The following DCPS variants were observed in gnomAD, a reference collection of about 807,000 sequenced individuals.
The protein encoded by DCPS is m7GpppX diphosphatase.
DCPS carries 27 observed loss-of-function variants against 34.7 expected under a neutral mutation model. That is an observed-to-expected ratio of 0.78 (90% CI 0.57 to 1.07). The LOEUF (loss-of-function observed/expected upper bound fraction) is 1.07, where lower values mean the gene tolerates loss of function less well. Ranked by LOEUF, DCPS falls within the 50% of genes least tolerant of loss-of-function variation. The probability of loss-of-function intolerance (pLI) is 0.00; values close to 1 mark genes in which losing one functional copy is unlikely to be tolerated. For synonymous variants in DCPS, 185 were observed against 185.7 expected (o/e 1.00, Z 0.03); for missense variants, 464 against 436.9 (o/e 1.06, Z -0.55).
At chr11:126,318,683 T>C (rs1951681285) in intron 2 of DCPS, among the ~76,000 whole-genome samples, 1 of 152,216 alleles carries the variant, frequency 6.6e-6, no homozygotes, top group Admixed American at 6.5e-5. Flanking sequence ...TTCTTCTCAG[T>C]GCTCCTGGGC....
chr11:126,326,218 G>T (rs984015718), intron 2 of DCPS, among the ~76,000 whole-genome samples: 2 of 152,226 alleles, frequency 1.3e-5, no homozygotes, highest in African/African-American at 2.4e-5. Flanking sequence ...CTGGGCAGGG[G>T]TGTTGCCAGG....
chr11:126,327,382 C>T lies in DCPS; in HGVS notation c.377-4023C>T, dbSNP rs887209276. Among the ~76,000 whole-genome samples the T allele has an allele frequency of 3.3e-5, 5 of 152,322 alleles. No homozygotes were observed. Among genetic ancestry groups the T allele is most frequent in the Middle Eastern group, 3.4e-3 (1 of 294 alleles). On this transcript the variant is annotated intron_variant, in intron 2 of 5. Coordinates refer to ENST00000263579, the MANE Select transcript of DCPS (RefSeq NM_014026.6). The surrounding 1 kb of genome is among the most constrained non-coding windows in gnomAD (Gnocchi z 4.1). ...ATGATCAGGAGGCACATGATGTCGG[C>T]GTGCCCAGCAGGGGTGACGGTGACG... is the stretch of plus-strand genomic sequence containing the variant.
rs240548 is a variant in DCPS, at chr11:126,335,072, C to T, written c.523-3214C>T. On this transcript the variant is annotated intron_variant, in intron 3 of 5. Coordinates refer to ENST00000263579, the MANE Select transcript of DCPS (RefSeq NM_014026.6). This position sits in a 1 kb window ranked among gnomAD's most constrained non-coding sequence, Gnocchi z 4.8. ...ATGATGCCAGGATGGCAGCCACCAT[C>T]CCCTACTCTAGGTAACTGTTCAGAG... 0.25 allele frequency among the ~76,000 whole-genome samples: 38,339 copies of T among 152,170 alleles called. 4,832 individuals are homozygous for T. Among genetic ancestry groups the T allele is most frequent in the Admixed American group, 0.27 (4,064 of 15,284 alleles).
rs769242010 is a variant in DCPS, at chr11:126,337,939, G to C, written c.523-347G>C. ...CCCCTGAGTCCTGTGAGCGGTGGAG[G>C]GGGTCACTGCTATAGAGGGCAGACA... On this transcript the variant is annotated intron_variant, in intron 3 of 5. Transcript: ENST00000263579. This position sits in a 1 kb window ranked among gnomAD's most constrained non-coding sequence, Gnocchi z 5.3. The C allele has an allele frequency of 4.0e-6, 1 of 247,358 alleles. No individual in the cohort carries two copies. Among genetic ancestry groups the C allele is most frequent in the African/African-American group, 2.2e-5 (1 of 45,334 alleles). 15.3% of individuals were successfully genotyped at this position (247,358 alleles called of 1,614,324 possible).
intron 2 of DCPS, among the ~76,000 whole-genome samples, chr11:126,318,854 T>C (rs1029851346): frequency 8.5e-5 from 13 of 152,138 alleles, no homozygotes; most frequent in Admixed American, 7.2e-4. Flanking sequence ...GAGCAGACTG[T>C]CTGTGGTTTG....
In DCPS at chr11:126,349,079, C is replaced by T. The variant is rs1415758633; in HGVS notation, c.*3466C>T. Among the ~76,000 whole-genome samples, 1 of 152,138 alleles carries T rather than the reference C, an allele frequency of 6.6e-6. No homozygotes were observed. The highest frequency in any genetic ancestry group is 2.1e-4 in the South Asian group (1 of 4,830). On this transcript the variant is annotated 3_prime_UTR_variant, in exon 6 of 6. Transcript: ENST00000263579. The surrounding 1 kb of genome is among the most constrained non-coding windows in gnomAD (Gnocchi z 5.4). The stretch of plus-strand genomic sequence containing the variant: ...TCTGAATGAGGCCTCCTGGATCTCA[C>T]GCAGGGGATGGAGAGTAAGGACCAG...
rs544295379 is a variant in DCPS at position 126,347,784 on chromosome 11, G to T, written c.*2171G>T. On this transcript the variant is annotated 3_prime_UTR_variant, in exon 6 of 6. Transcript: ENST00000263579. The surrounding 1 kb of genome is among the most constrained non-coding windows in gnomAD (Gnocchi z 4.2). ...TCCAGCTTGCAGGAATGCTCCCTGC[G>T]TCTCAGTTGTGCCCATTCCAGGTCC... 6.6e-6 allele frequency among the ~76,000 whole-genome samples: 1 copy of T among 152,194 alleles called. No homozygotes were observed. Among genetic ancestry groups the T allele is most frequent in the Non-Finnish European group, 1.5e-5 (1 of 68,026 alleles).
In DCPS at chr11:126,306,833, G is replaced by T. The variant is rs558402847; in HGVS notation, c.376+89G>T. The T allele has an allele frequency of 8.4e-6, 12 of 1,422,400 alleles. No homozygotes were observed. In the South Asian group the frequency reaches 1.1e-4, roughly 13 times the overall value. 88.1% of individuals were successfully genotyped at this position (1,422,400 alleles called of 1,614,324 possible). ...TATGGTGACCAGACTCTCTATACCCGATTTGCATATTCTAGTACAATAGGG... is the reference window on the plus strand; with the variant it reads ...TATGGTGACCAGACTCTCTATACCCTATTTGCATATTCTAGTACAATAGGG... On this transcript the variant is annotated intron_variant, in intron 2 of 5. Coordinates refer to ENST00000263579, the MANE Select transcript of DCPS (RefSeq NM_014026.6).
chr11:126,337,431 C>T lies in DCPS; in HGVS notation c.523-855C>T, dbSNP rs1477092396. On this transcript the variant is annotated intron_variant, in intron 3 of 5. Transcript: ENST00000263579. The surrounding 1 kb of genome is among the most constrained non-coding windows in gnomAD (Gnocchi z 5.3). ...CTGTGAGCTCAGGGGCCTTCTCAGC[C>T]CAACCTCCTGCAGCCTCCTAACCTC... 2.0e-5 allele frequency: 3 copies of T among 152,364 alleles called. No homozygotes were observed. Among genetic ancestry groups the T allele is most frequent in the African/African-American group, 7.2e-5 (3 of 41,440 alleles). The allele number at this position is 152,364 out of a possible 1,614,324, so 9.4% of individuals were successfully genotyped here. A position where few individuals can be genotyped will look rare whatever the true frequency, so the allele number is the denominator to read the frequency against.
rs1008367682 is a variant in DCPS, at chr11:126,306,603, G to A, written c.235G>A (p.Asp79Asn). The A allele has an allele frequency of 1.2e-6, 2 of 1,612,484 alleles. No homozygotes were observed. Among genetic ancestry groups the A allele is most frequent in the Non-Finnish European group, 1.7e-6 (2 of 1,178,970 alleles). Residue 79 changes from aspartate (D) to asparagine (N), a missense_variant, in exon 2 of 6, where the codon GAT becomes AAT. Physicochemically the swap from Asp to Asn is conservative, Grantham distance 23 (BLOSUM62 1). Coordinates refer to ENST00000263579, the MANE Select transcript of DCPS (RefSeq NM_014026.6). Reference sequence around the variant, plus strand: ...GGCCTCTGGGGATGGGGATGGAGAGGATGCCGTTGTGATCCTGGAGAAGAC... The same window carrying A: ...GGCCTCTGGGGATGGGGATGGAGAGAATGCCGTTGTGATCCTGGAGAAGAC... ...NEASGDGDGE[D>N]AVVILEKTPF... is the part of the protein sequence containing the mutation.
intron 2 of DCPS, among the ~76,000 whole-genome samples, chr11:126,321,776 G>C (rs887004469): frequency 2.6e-5 from 4 of 152,152 alleles, no homozygotes; most frequent in Non-Finnish European, 5.9e-5. Flanking sequence ...GAGAAATTAT[G>C]CTGCTATATT....
In DCPS at chr11:126,345,211, A is replaced by G; in HGVS notation, c.748-136A>G. On this transcript the variant is annotated intron_variant, in intron 5 of 5. Transcript: ENST00000263579. This position sits in a 1 kb window ranked among gnomAD's most constrained non-coding sequence, Gnocchi z 7.4. ...GGAAGCTGAAGCAGACAGCAGGTAG[A>G]GAGCTGTTTGGAGGGTTTTTGTGAG... 1 of 1,184,136 alleles carries G rather than the reference A, an allele frequency of 8.4e-7. No individual in the cohort carries two copies. 73.4% of individuals were successfully genotyped at this position (1,184,136 alleles called of 1,614,324 possible).
rs76269182 is a variant in DCPS at position 126,348,525 on chromosome 11, C to T, written c.*2912C>T. On this transcript the variant is annotated 3_prime_UTR_variant, in exon 6 of 6. Transcript: ENST00000263579. The surrounding 1 kb of genome is among the most constrained non-coding windows in gnomAD (Gnocchi z 5.3). ...TGCAGCTCCCTCCCTCAATCCAACC[C>T]TCTTTGGGCTTATCACCCTCAAGGT... Among the ~76,000 whole-genome samples the T allele has an allele frequency of 1.3e-5, 2 of 152,260 alleles. No homozygotes were observed. The highest frequency in any genetic ancestry group is 6.5e-5 in the Admixed American group (1 of 15,288).
At position 126,325,300 on chromosome 11, in the gene DCPS, A is replaced by G. The variant is rs1445740966; in HGVS notation, c.377-6105A>G. ...AACTATGGCAGTGAACAGCATTTAC[A>G]TCATCATCATAGCATCAGTGTTGAA... On this transcript the variant is annotated intron_variant, in intron 2 of 5. Transcript: ENST00000263579. This position sits in a 1 kb window ranked among gnomAD's most constrained non-coding sequence, Gnocchi z 4.3. 1.3e-5 allele frequency among the ~76,000 whole-genome samples: 2 copies of G among 152,240 alleles called. No homozygotes were observed. The highest frequency in any genetic ancestry group is 1.5e-5 in the Non-Finnish European group (1 of 68,044).
rs1428710390 is a variant in DCPS at position 126,338,237 on chromosome 11, A to G, written c.523-49A>G. On this transcript the variant is annotated intron_variant, in intron 3 of 5. Coordinates refer to ENST00000263579, the MANE Select transcript of DCPS (RefSeq NM_014026.6). The surrounding 1 kb of genome is among the most constrained non-coding windows in gnomAD (Gnocchi z 5.4). ...CTGAGCTCAGTTTGGGGTATCTCTCAAGGGGTGATGAGTGGATTTGTGAAC... is the reference window on the plus strand; with the variant it reads ...CTGAGCTCAGTTTGGGGTATCTCTCGAGGGGTGATGAGTGGATTTGTGAAC... 1 of 1,578,514 alleles carries G rather than the reference A, an allele frequency of 6.3e-7. No homozygotes were observed. Among genetic ancestry groups the G allele is most frequent in the Admixed American group, 1.7e-5 (1 of 59,690 alleles).
rs574919009 is a variant in DCPS at position 126,329,757 on chromosome 11, G to A, written c.377-1648G>A. ...CCCTCTTCACTGACGTATGAAAGCG[G>A]GGTTAAAACCACCTATGACCTCAGA... On this transcript the variant is annotated intron_variant, in intron 2 of 5. Transcript: ENST00000263579. This position sits in a 1 kb window ranked among gnomAD's most constrained non-coding sequence, Gnocchi z 5.0. Among the ~76,000 whole-genome samples the A allele has an allele frequency of 6.6e-6, 1 of 152,310 alleles. No individual in the cohort carries two copies. Among genetic ancestry groups the A allele is most frequent in the Admixed American group, 6.5e-5 (1 of 15,300 alleles).
rs149591666 is a variant in DCPS at position 126,327,649 on chromosome 11, G to GTT, written c.377-3751_377-3750dup. The stretch of plus-strand genomic sequence containing the variant: ...ATTGAGGTAAACACCAGCGTTCATT[G>GTT]TTTTTTGGCTGCCATCGTAAACCTT... On this transcript the variant is annotated intron_variant, in intron 2 of 5. Transcript: ENST00000263579. This position sits in a 1 kb window ranked among gnomAD's most constrained non-coding sequence, Gnocchi z 4.1. Among the ~76,000 whole-genome samples, 2 of 152,144 alleles carry GTT rather than the reference G, an allele frequency of 1.3e-5. No homozygotes were observed. Among genetic ancestry groups the GTT allele is most frequent in the African/African-American group, 4.8e-5 (2 of 41,494 alleles).
At chr11:126,308,319 G>C (rs1433677216) in intron 2 of DCPS, among the ~76,000 whole-genome samples, 1 of 152,126 alleles carries the variant, frequency 6.6e-6, no homozygotes, top group South Asian at 2.1e-4. Context: ...CTTCTTGTTT[G>C]CCCTCCAGCA....
chr11:126,306,547 A>T, intron 1 of DCPS, 23 bp from the exon 2 acceptor site: 1 of 1,580,538 alleles, frequency 6.3e-7, no homozygotes, highest in Non-Finnish European at 8.7e-7. Context: ...CCTTGAGCCC[A>T]CTGATGATGC....
Sources: allele counts gnomAD v4.1 joint callset (sites outside exome capture counted in the v4.1 genomes callset), GRCh38; gene constraint gnomAD v4.1.1; non-coding constraint Gnocchi (gnomAD v3.1); transcripts MANE v1.5; gene names NCBI Gene and HGNC (gene_info 2026-07-23, HGNC 2026-07-21).